FAM227B: variants seen among roughly 807,000 people sequenced by gnomAD.
The protein encoded by FAM227B is protein FAM227B.
Under a neutral mutation model 73.8 loss-of-function variants are expected in FAM227B, and 88 were observed. The ratio of observed to expected loss-of-function variants is 1.19; its 90% CI spans 1.00 to 1.42. FAM227B has a LOEUF of 1.42. Ranked by LOEUF, FAM227B falls within the 40% of genes most tolerant of loss-of-function variation. The probability of loss-of-function intolerance (pLI) is 0.00; values close to 1 mark genes in which losing one functional copy is unlikely to be tolerated. For missense variants in FAM227B, 632 were observed against 590.9 expected, an observed-to-expected ratio of 1.07 and a Z score of -0.72; for synonymous variants, 210 against 190.5, an observed-to-expected ratio of 1.10 and a Z score of -0.84.
intron 11 of FAM227B, among the ~76,000 whole-genome samples, chr15:49,415,399 A>G (rs2049144357): frequency 6.6e-6 from 1 of 152,172 alleles, no homozygotes; most frequent in Non-Finnish European, 1.5e-5. Context: ...CTAGGTACCA[A>G]TGTAAAGCAC....
At chr15:49,382,033 A>G (rs963340867) in intron 11 of FAM227B, among the ~76,000 whole-genome samples, 1 of 152,116 alleles carries the variant, frequency 6.6e-6, no homozygotes, top group African/African-American at 2.4e-5. Flanking sequence ...TATAGAATAA[A>G]AATTATGAAG....
At chr15:49,442,154 C>CT (rs926552522) in intron 11 of FAM227B, among the ~76,000 whole-genome samples, 1 of 151,406 alleles carries the variant, frequency 6.6e-6, no homozygotes, top group African/African-American at 2.4e-5. Flanking sequence ...TCATTTGGCT[C>CT]TTTTTTTTCT....
chr15:49,422,452 T>C (rs1367953072), intron 11 of FAM227B: 2 of 1,062,130 alleles, frequency 1.9e-6, no homozygotes, highest in East Asian at 3.2e-5. Context: ...GAGGCAAAAA[T>C]CAAACACTGA....
At chr15:49,371,061 G>T (rs532686804) in intron 12 of FAM227B, among the ~76,000 whole-genome samples, 19 of 152,186 alleles carry the variant, frequency 1.2e-4, no homozygotes, top group African/African-American at 4.3e-4. Flanking sequence ...GACATGTTGT[G>T]AGGAAAAAAG....
chr15:49,427,348 T>C (rs1183753389), intron 11 of FAM227B, among the ~76,000 whole-genome samples: 1 of 152,044 alleles, frequency 6.6e-6, no homozygotes, highest in East Asian at 1.9e-4. Context: ...TCCTTCCTAT[T>C]TTCATTAAAA....
chr15:49,574,962 A>C, intron 8 of FAM227B, 49 bp downstream of exon 8: 1 of 1,207,158 alleles, frequency 8.3e-7, no homozygotes, highest in East Asian at 2.4e-5. Context: ...TGAAAAATTA[A>C]TTATGCCAAA....
chr15:49,551,175 G>A (rs564633508), intron 9 of FAM227B, among the ~76,000 whole-genome samples: 18 of 152,316 alleles, frequency 1.2e-4, no homozygotes, highest in East Asian at 1.2e-3. Flanking sequence ...GCAGGCACTC[G>A]GCAGGCTGAG....
intron 11 of FAM227B, among the ~76,000 whole-genome samples, chr15:49,500,586 A>G (rs1484383176): frequency 6.6e-6 from 1 of 152,278 alleles, no homozygotes; most frequent in Non-Finnish European, 1.5e-5. Flanking sequence ...AATAGCTAAA[A>G]TTAAAAAGAC....
At chr15:49,592,991 C>A (rs1319810617) in intron 3 of FAM227B, among the ~76,000 whole-genome samples, 1 of 152,298 alleles carries the variant, frequency 6.6e-6, no homozygotes, top group East Asian at 1.9e-4. Flanking sequence ...ACCCACTGAG[C>A]CAGGCACAGG....
chr15:49,453,778 T>C (rs1049678339), intron 11 of FAM227B, among the ~76,000 whole-genome samples: 4 of 152,208 alleles, frequency 2.6e-5, no homozygotes, highest in Admixed American at 6.5e-5. Flanking sequence ...GCTCTCCTGA[T>C]GACCTCCAGG....
chr15:49,455,411 C>T (rs1214946630), intron 11 of FAM227B, among the ~76,000 whole-genome samples: 1 of 151,954 alleles, frequency 6.6e-6, no homozygotes, highest in Non-Finnish European at 1.5e-5. Flanking sequence ...GCATAAAACC[C>T]CAGCATTTTT....
At chr15:49,429,340 C>G (rs2050393600) in intron 11 of FAM227B, among the ~76,000 whole-genome samples, 1 of 151,934 alleles carries the variant, frequency 6.6e-6, no homozygotes, top group Admixed American at 6.6e-5. Context: ...AAAATATTAG[C>G]CATTCTTTGA....
intron 9 of FAM227B, among the ~76,000 whole-genome samples, chr15:49,545,583 G>C (rs957472893): frequency 6.6e-6 from 1 of 152,100 alleles, no homozygotes; most frequent in African/African-American, 2.4e-5. Context: ...TGTGACCTTA[G>C]ATTGTCTATT....
chr15:49,447,097 G>A lies in FAM227B; in HGVS notation c.1012+61114C>T, dbSNP rs576761762. Among the ~76,000 whole-genome samples, 8 of 151,574 alleles carry A rather than the reference G, an allele frequency of 5.3e-5. No individual in the cohort carries two copies. In the South Asian group the frequency reaches 1.7e-3, roughly 31 times the overall value. ...AACACTGAATAAAATCATGTTAAAGGTCAAATATGCAAGCCTGTGGTTTCC... is the reference window on the plus strand; with the variant it reads ...AACACTGAATAAAATCATGTTAAAGATCAAATATGCAAGCCTGTGGTTTCC... On this transcript the variant is annotated intron_variant, in intron 11 of 15. Coordinates refer to ENST00000299338, the MANE Select transcript of FAM227B (RefSeq NM_152647.3).
chr15:49,522,990 T>A (rs573448809), intron 10 of FAM227B, among the ~76,000 whole-genome samples: 1 of 151,562 alleles, frequency 6.6e-6, no homozygotes, highest in African/African-American at 2.4e-5. Flanking sequence ...GTAATCAGAC[T>A]CTCCATCTCT....
At chr15:49,517,418 T>C (rs1276983478) in intron 10 of FAM227B, among the ~76,000 whole-genome samples, 1 of 152,202 alleles carries the variant, frequency 6.6e-6, no homozygotes, top group African/African-American at 2.4e-5. Context: ...AAATATGTTT[T>C]ATAAAATTCT....
At position 49,616,413 on chromosome 15, in the gene FAM227B, C is replaced by T. The variant is rs2078290474; in HGVS notation, c.-72-1170G>A. On this transcript the variant is annotated intron_variant, in intron 1 of 15. Coordinates refer to ENST00000299338, the MANE Select transcript of FAM227B (RefSeq NM_152647.3). The stretch of plus-strand genomic sequence containing the variant: ...TTTGCTTGTTGGCTGTTTGTTACAG[C>T]AGCAATAAGAAACTAATATGAGGAG... 2.0e-5 allele frequency among the ~76,000 whole-genome samples: 3 copies of T among 152,140 alleles called. No individual in the cohort carries two copies. In the South Asian group the frequency reaches 6.2e-4, roughly 32 times the overall value.
intron 13 of FAM227B, among the ~76,000 whole-genome samples, chr15:49,341,605 A>G (rs1013244223): frequency 7.2e-5 from 11 of 152,022 alleles, no homozygotes; most frequent in Non-Finnish European, 1.5e-4. Context: ...GCTTACTTCA[A>G]TCTCCCAAAG....
At chr15:49,534,672 G>A (rs1360639289) in intron 10 of FAM227B, among the ~76,000 whole-genome samples, 3 of 151,414 alleles carry the variant, frequency 2.0e-5, no homozygotes, top group Non-Finnish European at 4.4e-5. Context: ...ATGCAAATGG[G>A]ACATTCTCTA....
Sources: allele counts gnomAD v4.1 joint callset (sites outside exome capture counted in the v4.1 genomes callset), GRCh38; gene constraint gnomAD v4.1.1; transcripts MANE v1.5; gene names NCBI Gene and HGNC (gene_info 2026-07-23, HGNC 2026-07-21).